The following PTCH2 variants were observed in gnomAD, a reference collection of about 807,000 sequenced individuals.
The protein encoded by PTCH2 is patched 2.
PTCH2 carries 96 observed loss-of-function variants against 117.9 expected under a neutral mutation model. The observed-to-expected ratio is 0.81, with a 90% confidence interval of 0.69 to 0.96. PTCH2 has a LOEUF of 0.96. PTCH2 is among the 50% of genes least tolerant of loss of function. The pLI, the probability that PTCH2 is intolerant of heterozygous loss-of-function variation, is 0.00. For missense variants in PTCH2, 1,379 were observed against 1,562.5 expected (o/e 0.88, Z 1.98); for synonymous variants, 615 against 660.9 (o/e 0.93, Z 1.06).
chr1:44,827,757 C>T (rs567447688), intron 14 of PTCH2, 43 bp from the exon 15 acceptor site: 4 of 1,610,820 alleles, frequency 2.5e-6, no homozygotes, highest in East Asian at 2.2e-5. Context: ...AGGGCTGCCC[C>T]CAGCCCCTCA....
intron 2 of PTCH2, among the ~76,000 whole-genome samples, chr1:44,833,662 T>C (rs936397765): frequency 3.3e-5 from 5 of 152,108 alleles, no homozygotes; most frequent in African/African-American, 2.4e-5. Flanking sequence ...CTGGTCTTTT[T>C]TGTGGCTCAC....
At chr1:44,835,909 C>T (rs1485269975) in intron 2 of PTCH2, among the ~76,000 whole-genome samples, 1 of 152,052 alleles carries the variant, frequency 6.6e-6, no homozygotes, top group Non-Finnish European at 1.5e-5. Context: ...GCAATCAAGT[C>T]CAATTATGGA....
chr1:44,842,581 T>C (rs1447415214), intron 1 of PTCH2, among the ~76,000 whole-genome samples: 1 of 152,168 alleles, frequency 6.6e-6, no homozygotes, highest in African/African-American at 2.4e-5. Flanking sequence ...CCGGCCGGCA[T>C]AGGCCCATTT....
chr1:44,830,977 A>G lies in PTCH2; in HGVS notation c.684T>C (p.Phe228=). The G allele has an allele frequency of 6.2e-7, 1 of 1,612,482 alleles. No homozygotes were observed. The highest frequency in any genetic ancestry group is 1.1e-5 in the South Asian group (1 of 91,020). ...GCTCCCGGAAGCCCTCAAGGGAGGC[A>G]AAGGGACCCAGCTCCTCCAGCAGCT... is the stretch of plus-strand genomic sequence containing the variant. ...PEQLLEELGP[F]ASLEGFRELL... The change falls in exon 6 of 22, where the codon TTT becomes TTC. Residue 228 remains phenylalanine, a synonymous_variant. Transcript: ENST00000372192.
chr1:44,835,050 A>G (rs981491329), intron 2 of PTCH2, among the ~76,000 whole-genome samples: 12 of 152,200 alleles, frequency 7.9e-5, no homozygotes, highest in Non-Finnish European at 1.8e-4. Flanking sequence ...GGAGAATATC[A>G]AGATTGATAC....
rs749924802 is a variant in PTCH2, at chr1:44,827,890, A to G, written c.2011T>C (p.Phe671Leu). Residue 671 changes from phenylalanine to leucine, a missense_variant, in exon 14 of 22, where the codon TTC (phenylalanine) becomes CTC (leucine). By Grantham distance (22) the Phe-to-Leu change is conservative. Transcript: ENST00000372192. ...AACGGGGCAAACTGATAGCGGGCGA[A>G]ATGGGCAAGATTCCAGCGGGCACAG... ...LPCARWNLAHFARYQFAPLLL... is the reference protein window; with the variant it reads ...LPCARWNLAHLARYQFAPLLL... The G allele has an allele frequency of 9.3e-6, 15 of 1,614,052 alleles. No individual in the cohort carries two copies. The highest frequency in any genetic ancestry group is 1.3e-5 in the African/African-American group (1 of 74,942).
chr1:44,840,977 C>G (rs1190203514), intron 2 of PTCH2, among the ~76,000 whole-genome samples: 1 of 151,730 alleles, frequency 6.6e-6, no homozygotes, highest in Admixed American at 6.6e-5. Flanking sequence ...GGTGGGAGGA[C>G]CTGAGCCCTG....
Position 44,823,948 on chromosome 1 carries a change from A to ACAAG in PTCH2, c.3115-564_3115-563insCTTG, listed in dbSNP as rs967121424. Among the ~76,000 whole-genome samples the ACAAG allele has an allele frequency of 6.6e-6, 1 of 152,128 alleles. No individual in the cohort carries two copies. The highest frequency in any genetic ancestry group is 2.4e-5 in the African/African-American group (1 of 41,410). ...GTGAGACCCTGTTTCAAACAAACAA[A>ACAAG]CAAACAAACAAACAAACATAGGTTG... On this transcript the variant is annotated intron_variant, in intron 19 of 21. Coordinates refer to ENST00000372192, the MANE Select transcript of PTCH2 (RefSeq NM_003738.5). The surrounding 1 kb of genome is among the most constrained non-coding windows in gnomAD (Gnocchi z 5.1).
chr1:44,835,582 A>G (rs1653649863), intron 2 of PTCH2, among the ~76,000 whole-genome samples: 1 of 152,208 alleles, frequency 6.6e-6, no homozygotes, highest in African/African-American at 2.4e-5. Context: ...GGAAAGCAAC[A>G]TTGCAATATA....
intron 2 of PTCH2, among the ~76,000 whole-genome samples, chr1:44,836,204 C>T (rs1395465645): frequency 4.6e-5 from 7 of 152,226 alleles, no homozygotes; most frequent in Non-Finnish European, 1.5e-5. Flanking sequence ...ATCAGTAATT[C>T]CATTGCCTTT....
intron 6 of PTCH2, 96 bp downstream of exon 6, chr1:44,830,752 G>T: frequency 7.8e-7 from 1 of 1,288,398 alleles, no homozygotes; most frequent in Non-Finnish European, 1.0e-6. Context: ...TGGGGGGTCA[G>T]GGCACAGAGC....
At position 44,831,583 on chromosome 1, in the gene PTCH2, C is replaced by T. The variant is rs767637775; in HGVS notation, c.617+123G>A. On this transcript the variant is annotated intron_variant, in intron 5 of 21. Transcript: ENST00000372192. The surrounding 1 kb of genome is among the most constrained non-coding windows in gnomAD (Gnocchi z 4.3). ...CTTGGGGAAGCCCATGCTCTCTGTT[C>T]CTGGCCTGGGAGGTAATTAGGACCT... 26 of 974,536 alleles carry T rather than the reference C, an allele frequency of 2.7e-5. No individual in the cohort carries two copies. The Middle Eastern group carries it at 2.8e-3, about 106-fold the overall frequency. The allele number at this position is 974,536 out of a possible 1,614,324, so 60.4% of individuals were successfully genotyped here. A position where few individuals can be genotyped will look rare whatever the true frequency, so the allele number is the denominator to read the frequency against.
chr1:44,838,345 G>A (rs1296357880), intron 2 of PTCH2, among the ~76,000 whole-genome samples: 1 of 152,080 alleles, frequency 6.6e-6, no homozygotes, highest in Non-Finnish European at 1.5e-5. Flanking sequence ...GGGTTCAAGC[G>A]ATTCTCCTGC....
At position 44,826,926 on chromosome 1, in the gene PTCH2, C is replaced by T. The variant is rs373037330; in HGVS notation, c.2671G>A (p.Asp891Asn). Residue 891 changes from aspartate (D) to asparagine (N), a missense_variant, in exon 17 of 22, where the codon GAC becomes AAC. Physicochemically the swap from Asp to Asn is conservative, Grantham distance 23 (BLOSUM62 1). Transcript: ENST00000372192. This position sits in a 1 kb window ranked among gnomAD's most constrained non-coding sequence, Gnocchi z 5.1. ...CTGCGAAGGTTCTCCCCCGTGGTGT[C>T]GTATTTGTCGTGCAGCCATTCAGGA... ...PPPEWLHDKYDTTGENLRIPP... is the reference protein window; with the variant it reads ...PPPEWLHDKYNTTGENLRIPP... 8 of 1,613,840 alleles carry T rather than the reference C, an allele frequency of 5.0e-6. No homozygotes were observed. The highest frequency in any genetic ancestry group is 2.2e-5 in the South Asian group (2 of 91,088).
chr1:44,832,417 C>A, intron 2 of PTCH2, 76 bp from the exon 3 acceptor site: 1 of 1,458,308 alleles, frequency 6.9e-7, no homozygotes, highest in South Asian at 1.1e-5. Flanking sequence ...GCTTCTAACT[C>A]TGAGGCCTCC....
chr1:44,820,341 G>A (rs1259444437), downstream of PTCH2: 2 of 520,392 alleles, frequency 3.8e-6, no homozygotes, highest in African/African-American at 1.9e-5. Context: ...CGGGTGCGGA[G>A]TCCTTTGCGG....
At position 44,823,195 on chromosome 1, in the gene PTCH2, G is replaced by A. The variant is rs1378383421; in HGVS notation, c.3258-27C>T. 1 of 1,614,058 alleles carries A rather than the reference G, an allele frequency of 6.2e-7. No individual in the cohort carries two copies. The highest frequency in any genetic ancestry group is 1.7e-5 in the Admixed American group (1 of 60,008). On this transcript the variant is annotated intron_variant, in intron 20 of 21. Transcript: ENST00000372192. This position sits in a 1 kb window ranked among gnomAD's most constrained non-coding sequence, Gnocchi z 5.1. ...TAGGGGTAGGGTGTGGGGGGAGTCA[G>A]CCCAGGCCTGTCCTGAGCCCTGCCT...
rs202166204 is a variant in PTCH2 at position 44,830,913 on chromosome 1, G to T, written c.748C>A (p.Arg250=). Residue 250 remains arginine, a synonymous_variant, in exon 6 of 22, where the codon CGG becomes AGG. Coordinates refer to ENST00000372192, the MANE Select transcript of PTCH2 (RefSeq NM_003738.5). ...KAQVGQAYVG[R]PCLHPDDLHC... is the part of the protein sequence containing the mutation. ...AGGTCATCAGGGTGCAGACAGGGCCGCCCCACGTAGGCCTGGCCCACCTGT... is the reference window on the plus strand; with the variant it reads ...AGGTCATCAGGGTGCAGACAGGGCCTCCCCACGTAGGCCTGGCCCACCTGT... 6.3e-7 allele frequency: 1 copy of T among 1,586,252 alleles called. No homozygotes were observed.
chr1:44,830,289 C>T (rs972852541), intron 6 of PTCH2, among the ~76,000 whole-genome samples: 2 of 152,176 alleles, frequency 1.3e-5, no homozygotes, highest in Admixed American at 6.5e-5. Context: ...AAAAGTACCA[C>T]ATTTGCAGGG....
Sources: gnomAD v4.1 joint callset for allele counts (sites outside exome capture counted in the v4.1 genomes callset) on GRCh38, gnomAD v4.1.1 for gene constraint, Gnocchi (gnomAD v3.1) non-coding constraint, MANE v1.5 for transcripts, NCBI Gene and HGNC (gene_info 2026-07-23, HGNC 2026-07-21) for gene names.